Variants in FAM184B observed in about 807,000 individuals in gnomAD.
The protein encoded by FAM184B is protein FAM184B.
A neutral mutation model predicts 135.9 loss-of-function variants in FAM184B; 111 were observed. The ratio of observed to expected loss-of-function variants is 0.82; its 90% confidence interval spans 0.70 to 0.96. The LOEUF is 0.96. Among genes scored for constraint, FAM184B ranks in the 40% least tolerant of loss-of-function variants. The pLI, the probability that FAM184B is intolerant of heterozygous loss-of-function variation, is 0.00. For missense variants in FAM184B, 1,375 were observed against 1,323.9 expected, an observed-to-expected ratio of 1.04 and a Z score of -0.60; for synonymous variants, 552 against 524.8, an observed-to-expected ratio of 1.05 and a Z score of -0.71.
chr4:17,669,822 G>A (rs957678009), intron 7 of FAM184B, among the ~76,000 whole-genome samples: 10 of 152,100 alleles, frequency 6.6e-5, no homozygotes, highest in African/African-American at 1.9e-4. Context: ...AGGAAGATTC[G>A]AACAAGATCA....
intron 1 of FAM184B, among the ~76,000 whole-genome samples, chr4:17,748,412 A>G (rs1007018748): frequency 4.7e-5 from 7 of 147,830 alleles, no homozygotes; most frequent in African/African-American, 1.8e-4. Context: ...GGGAATCAAG[A>G]CTCTTTGGTC....
chr4:17,639,830 A>AC (rs1715255721), intron 13 of FAM184B, among the ~76,000 whole-genome samples: 1 of 145,470 alleles, frequency 6.9e-6, no homozygotes, highest in Non-Finnish European at 1.5e-5. Flanking sequence ...GCCTCCCTGA[A>AC]CTTTTTTTTT....
At chr4:17,717,614 T>C (rs757079172) in intron 1 of FAM184B, among the ~76,000 whole-genome samples, 25 of 151,928 alleles carry the variant, frequency 1.6e-4, no homozygotes, top group Admixed American at 1.2e-3. Flanking sequence ...TTCCTAAGAG[T>C]TTTAGAAATC....
chr4:17,672,578 T>C (rs892592834), intron 7 of FAM184B, among the ~76,000 whole-genome samples: 2 of 152,230 alleles, frequency 1.3e-5, no homozygotes, highest in Admixed American at 6.5e-5. Flanking sequence ...CTGAGAGTTT[T>C]AATCATAAAG....
At chr4:17,641,642 C>T (rs957376960) in intron 13 of FAM184B, among the ~76,000 whole-genome samples, 1 of 34,450 alleles carries the variant, frequency 2.9e-5, no homozygotes. Flanking sequence ...CCACGCCCGG[C>T]CTTTTTTTTT....
intron 1 of FAM184B, among the ~76,000 whole-genome samples, chr4:17,767,182 C>T (rs1020970417): frequency 3.3e-5 from 5 of 152,182 alleles, no homozygotes; most frequent in Admixed American, 3.3e-4. Context: ...CCCGCCCGTG[C>T]CTCTCCCTGC....
At chr4:17,728,114 C>A (rs573712117) in intron 1 of FAM184B, among the ~76,000 whole-genome samples, 67 of 151,616 alleles carry the variant, frequency 4.4e-4, no homozygotes, top group African/African-American at 1.5e-3. Flanking sequence ...CTTGTCTCTA[C>A]AAAATTAAAA....
At chr4:17,736,375 T>C (rs1252434847) in intron 1 of FAM184B, among the ~76,000 whole-genome samples, 1 of 152,220 alleles carries the variant, frequency 6.6e-6, no homozygotes, top group Non-Finnish European at 1.5e-5. Context: ...TCTTAATCGT[T>C]ACTCAATCTT....
rs1419802876 is a variant in FAM184B, at chr4:17,647,690, G to C, written c.2293C>G (p.Gln765Glu). 6.4e-7 allele frequency: 1 copy of C among 1,550,940 alleles called. No homozygotes were observed. The highest frequency in any genetic ancestry group is 1.2e-5 in the South Asian group (1 of 84,024). ...TCTCCTGGACACTGGCTGCTGGCTTGCTGTCTGCCCAGAGCCCTCAGCTCG... is the reference window on the plus strand; with the variant it reads ...TCTCCTGGACACTGGCTGCTGGCTTCCTGTCTGCCCAGAGCCCTCAGCTCG... ...QAELRALGRQ[Q>E]ASSQCPGDSK... The change falls in exon 12 of 18, where the codon CAA becomes GAA. Residue 765 changes from glutamine to glutamate, a missense_variant. By Grantham distance (29) the Gln-to-Glu change is conservative. Transcript: ENST00000265018.
At chr4:17,731,821 T>C (rs1717783507) in intron 1 of FAM184B, among the ~76,000 whole-genome samples, 1 of 152,208 alleles carries the variant, frequency 6.6e-6, no homozygotes, top group Non-Finnish European at 1.5e-5. Context: ...AACTCAGCTC[T>C]GCAGCAAGTG....
At chr4:17,747,109 C>T (rs1222744824) in intron 1 of FAM184B, among the ~76,000 whole-genome samples, 1 of 150,856 alleles carries the variant, frequency 6.6e-6, no homozygotes, top group Non-Finnish European at 1.5e-5. Context: ...AAGTTCTACA[C>T]AAATTATTTC....
At chr4:17,742,630 G>A (rs1247150102) in intron 1 of FAM184B, among the ~76,000 whole-genome samples, 1 of 152,164 alleles carries the variant, frequency 6.6e-6, no homozygotes, top group African/African-American at 2.4e-5. Flanking sequence ...GCTGAGCCGC[G>A]AGCAGAGAAG....
chr4:17,675,869 G>C (rs1275682929), intron 7 of FAM184B, among the ~76,000 whole-genome samples: 1 of 152,116 alleles, frequency 6.6e-6, no homozygotes, highest in Non-Finnish European at 1.5e-5. Context: ...ATTAGGGCCT[G>C]GCTCTGGATT....
At chr4:17,641,321 G>A (rs553872559) in intron 13 of FAM184B, among the ~76,000 whole-genome samples, 104 of 152,034 alleles carry the variant, frequency 6.8e-4, no homozygotes, top group Non-Finnish European at 1.1e-3. Context: ...AATTAAGAGC[G>A]CACAGCTAGT....
chr4:17,634,525 C>T (rs556280728), intron 16 of FAM184B, among the ~76,000 whole-genome samples: 8 of 152,188 alleles, frequency 5.3e-5, no homozygotes, highest in South Asian at 4.1e-4. Flanking sequence ...AGTTTCACCA[C>T]GTTGGCCAGG....
At position 17,647,636 on chromosome 4, in the gene FAM184B, C is replaced by A. The variant is rs1715505372; in HGVS notation, c.2346+1G>T. The A allele has an allele frequency of 1.3e-6, 2 of 1,549,392 alleles. No homozygotes were observed. Among genetic ancestry groups the A allele is most frequent in the Non-Finnish European group, 1.7e-6 (2 of 1,146,456 alleles). The stretch of plus-strand genomic sequence containing the variant: ...GCTGGTGCAAGGGCGGGGGCACTGA[C>A]CTCTGTGGCGATTATGTGATCCTTG... On this transcript the variant is annotated splice_donor_variant, in intron 12 of 17. Coordinates refer to ENST00000265018, the MANE Select transcript of FAM184B (RefSeq NM_015688.2). LOFTEE classifies it high-confidence loss of function.
intron 1 of FAM184B, among the ~76,000 whole-genome samples, chr4:17,745,322 T>C (rs1459718626): frequency 6.6e-6 from 1 of 152,214 alleles, no homozygotes; most frequent in Non-Finnish European, 1.5e-5. Context: ...GGGAGTATAG[T>C]TGGGTGACAG....
In FAM184B at chr4:17,702,154, C is replaced by T. The variant is rs564089107; in HGVS notation, c.1377+2846G>A. On this transcript the variant is annotated intron_variant, in intron 5 of 17. Coordinates refer to ENST00000265018, the MANE Select transcript of FAM184B (RefSeq NM_015688.2). ...GACATTATTCCTGGCTGGGTAGCTG[C>T]CAAGCCCAGTTCCTTGGTCTTCCAT... is the stretch of plus-strand genomic sequence containing the variant. 5.9e-5 allele frequency among the ~76,000 whole-genome samples: 9 copies of T among 152,254 alleles called. No individual in the cohort carries two copies. In the East Asian group the frequency reaches 1.7e-3, roughly 29 times the overall value.
intron 7 of FAM184B, among the ~76,000 whole-genome samples, chr4:17,671,261 T>C (rs1558379): frequency 0.93 from 141,147 of 152,066 alleles, 66,030 homozygotes; most frequent in Non-Finnish European, 1. Context: ...AGGAGTTAAT[T>C]GGCATGTCTA....
Sources: gnomAD v4.1 joint callset for allele counts (sites outside exome capture counted in the v4.1 genomes callset) on GRCh38, gnomAD v4.1.1 for gene constraint, MANE v1.5 for transcripts, NCBI Gene and HGNC (gene_info 2026-07-23, HGNC 2026-07-21) for gene names.